PPP1R1C: variants seen among roughly 807,000 people sequenced by gnomAD.
PPP1R1C encodes the protein protein phosphatase 1 regulatory inhibitor subunit 1C.
Under a neutral mutation model 17.4 loss-of-function variants are expected in PPP1R1C, and 15 were observed. The ratio of observed to expected loss-of-function variants is 0.86; its 90% confidence interval spans 0.58 to 1.33. The LOEUF is 1.33. PPP1R1C is among the 40% of genes most tolerant of loss of function. The pLI is 0.00. For missense variants in PPP1R1C, 143 were observed against 130.0 expected, an observed-to-expected ratio of 1.10 and a Z score of -0.48; for synonymous variants, 35 against 43.1, an observed-to-expected ratio of 0.81 and a Z score of 0.73.
chr2:182,055,179 A>G lies in PPP1R1C; in HGVS notation c.143-6263A>G, dbSNP rs563025510. 9.2e-5 allele frequency among the ~76,000 whole-genome samples: 14 copies of G among 152,156 alleles called. No individual in the cohort carries two copies. In the South Asian group the frequency reaches 2.3e-3, roughly 25 times the overall value. On this transcript the variant is annotated intron_variant, in intron 2 of 4. Transcript: ENST00000682840. ...GTATCTCTTTGTATGGATTTTTAGC[A>G]ATTGTGCTATTATGCATACATACTT...
intron 2 of PPP1R1C, among the ~76,000 whole-genome samples, chr2:182,013,851 A>T (rs1336688074): frequency 6.6e-6 from 1 of 152,150 alleles, no homozygotes; most frequent in South Asian, 2.1e-4. Flanking sequence ...CATCAATAGA[A>T]TTTTTCAGCT....
upstream of PPP1R1C, among the ~76,000 whole-genome samples, chr2:181,985,686 G>A (rs562745730): frequency 6.6e-6 from 1 of 152,258 alleles, no homozygotes; most frequent in African/African-American, 2.4e-5. This position sits in a 1 kb window ranked among gnomAD's most constrained non-coding sequence, Gnocchi z 4.1. Flanking sequence ...AATACTCAGA[G>A]GGAGCTTACA....
At chr2:181,985,243 G>A (rs144774985), upstream of PPP1R1C, among the ~76,000 whole-genome samples, 5 of 152,284 alleles carry the variant, frequency 3.3e-5, no homozygotes, top group East Asian at 9.6e-4. This position sits in a 1 kb window ranked among gnomAD's most constrained non-coding sequence, Gnocchi z 4.1. Context: ...ACTGTGAACT[G>A]CAATTTTAGA....
At chr2:182,059,930 C>A (rs779565757) in intron 2 of PPP1R1C, among the ~76,000 whole-genome samples, 1 of 151,936 alleles carries the variant, frequency 6.6e-6, no homozygotes, top group Non-Finnish European at 1.5e-5. Flanking sequence ...TAATCAAAAG[C>A]AAAATATTAA....
At chr2:182,052,376 T>C (rs1448683713) in intron 2 of PPP1R1C, among the ~76,000 whole-genome samples, 3 of 152,224 alleles carry the variant, frequency 2.0e-5, no homozygotes, top group Non-Finnish European at 4.4e-5. Flanking sequence ...CAATTTCCTT[T>C]CTCCTGTTAG....
At chr2:182,055,077 G>GT (rs141411901) in intron 2 of PPP1R1C, among the ~76,000 whole-genome samples, 6,260 of 148,372 alleles carry the variant, frequency 0.042, 427 homozygotes, top group African/African-American at 0.14. Flanking sequence ...TTAGTTTCTG[G>GT]TTTTTTTTTT....
rs13388384 is a variant in PPP1R1C at position 181,976,295 on chromosome 2, T to C, written n.157+1031T>C. On this transcript the variant is annotated intron_variant and non_coding_transcript_variant, in intron 2 of 5. Coordinates refer to the PPP1R1C transcript ENST00000464264. This position sits in a 1 kb window ranked among gnomAD's most constrained non-coding sequence, Gnocchi z 4.8. Reference sequence around the variant, plus strand: ...AAATCTATAATGAAATTATACTAGATACAGCTATACTATTTAAACATTGTG... The same window carrying C: ...AAATCTATAATGAAATTATACTAGACACAGCTATACTATTTAAACATTGTG... Among the ~76,000 whole-genome samples, 4,647 of 152,188 alleles carry C rather than the reference T, an allele frequency of 0.031. 257 individuals carry two copies. The highest frequency in any genetic ancestry group is 0.11 in the African/African-American group (4,409 of 41,506).
intron 2 of PPP1R1C, among the ~76,000 whole-genome samples, chr2:181,992,746 C>T (rs569463204): frequency 1.5e-5 from 2 of 133,872 alleles, no homozygotes; most frequent in African/African-American, 5.6e-5. Context: ...TTGGGGAAAT[C>T]GACTTTATCT....
intron 4 of PPP1R1C, chr2:182,103,746 TCTC>T (rs1689168685): frequency 6.6e-6 from 1 of 152,054 alleles, no homozygotes; most frequent in Non-Finnish European, 1.5e-5. Context: ...AGCAGAACAA[TCTC>T]CTCATTCAAG....
At chr2:181,997,487 C>A (rs1041131704) in intron 2 of PPP1R1C, among the ~76,000 whole-genome samples, 25 of 151,920 alleles carry the variant, frequency 1.6e-4, no homozygotes, top group African/African-American at 6.0e-4. Context: ...TTTTTTGTTT[C>A]TAACATCTTG....
intron 2 of PPP1R1C, among the ~76,000 whole-genome samples, chr2:181,989,456 T>C (rs1295050016): frequency 2.0e-5 from 3 of 152,208 alleles, no homozygotes; most frequent in African/African-American, 7.2e-5. Flanking sequence ...CTGAAGCCCA[T>C]ACATTTCCAC....
chr2:181,989,356 G>A (rs563511574), intron 2 of PPP1R1C, among the ~76,000 whole-genome samples: 46 of 152,326 alleles, frequency 3.0e-4, no homozygotes, highest in African/African-American at 1.1e-3. Flanking sequence ...ATTTGGATGA[G>A]GAAAGTGTGT....
chr2:182,062,362 A>T (rs1161640338), intron 3 of PPP1R1C, among the ~76,000 whole-genome samples: 1 of 152,124 alleles, frequency 6.6e-6, no homozygotes, highest in African/African-American at 2.4e-5. Flanking sequence ...CAATAAAAAA[A>T]TTTCTGTAGA....
chr2:182,030,308 G>A lies in PPP1R1C; in HGVS notation c.143-31134G>A, dbSNP rs563238837. 1.2e-3 allele frequency among the ~76,000 whole-genome samples: 188 copies of A among 152,262 alleles called. 1 individual carries two copies. Among genetic ancestry groups the A allele is most frequent in the African/African-American group, 4.2e-3 (174 of 41,548 alleles). On this transcript the variant is annotated intron_variant, in intron 2 of 4. Transcript: ENST00000682840. ...GGCACTCTGTGTTTTAGAGTTTCCC[G>A]TTTTTCTGTTCTGTTTTTTCCCCAT... is the stretch of plus-strand genomic sequence containing the variant.
intron 4 of PPP1R1C, among the ~76,000 whole-genome samples, chr2:182,107,565 C>T (rs1439287310): frequency 6.6e-6 from 1 of 152,160 alleles, no homozygotes; most frequent in Non-Finnish European, 1.5e-5. Context: ...GCCTACTCCT[C>T]ACCTTCTCTT....
intron 2 of PPP1R1C, among the ~76,000 whole-genome samples, chr2:182,055,822 T>C (rs1687667285): frequency 6.6e-6 from 1 of 152,220 alleles, no homozygotes; most frequent in Non-Finnish European, 1.5e-5. Context: ...ATTGCTCTGA[T>C]GTTTTCATTT....
downstream of PPP1R1C, chr2:182,117,908 C>T (rs986450572): frequency 5.9e-5 from 9 of 152,104 alleles, no homozygotes; most frequent in Non-Finnish European, 1.0e-4. Flanking sequence ...GTTGATTATA[C>T]AACTACAGAA....
At chr2:182,012,961 A>G (rs1029562038) in intron 2 of PPP1R1C, among the ~76,000 whole-genome samples, 1 of 152,038 alleles carries the variant, frequency 6.6e-6, no homozygotes, top group African/African-American at 2.4e-5. Context: ...GTTTCTATTT[A>G]TGTGCTATTG....
intron 1 of PPP1R1C, among the ~76,000 whole-genome samples, chr2:181,958,960 T>C (rs764435919): frequency 6.6e-6 from 1 of 152,260 alleles, no homozygotes; most frequent in Non-Finnish European, 1.5e-5. Context: ...GGCACAAATG[T>C]TTGCATTTCT....
Sources: gnomAD v4.1 joint callset for allele counts (sites outside exome capture counted in the v4.1 genomes callset) on GRCh38, gnomAD v4.1.1 for gene constraint, Gnocchi (gnomAD v3.1) non-coding constraint, MANE v1.5 for transcripts, NCBI Gene and HGNC (gene_info 2026-07-23, HGNC 2026-07-21) for gene names.